Variants in HTT observed in about 807,000 individuals in gnomAD.
HTT encodes huntington disease protein.
In HTT, 104 loss-of-function variants were observed where a neutral mutation model predicts 362.3. That is an observed-to-expected ratio of 0.29 (90% CI 0.24 to 0.34). The LOEUF is 0.34. Ranked by LOEUF, HTT falls within the 10% of genes least tolerant of loss-of-function variation. The probability of loss-of-function intolerance (pLI) is 1.00; values close to 1 mark genes in which losing one functional copy is unlikely to be tolerated. For synonymous variants in HTT, 1,577 were observed against 1,548.7 expected, an observed-to-expected ratio of 1.02 and a Z score of -0.43; for missense variants, 3,301 against 3,928.6, an observed-to-expected ratio of 0.84 and a Z score of 4.27.
chr4:3,122,171 T>C (rs1178780186), intron 9 of HTT, among the ~76,000 whole-genome samples: 1 of 152,196 alleles, frequency 6.6e-6, no homozygotes, highest in Non-Finnish European at 1.5e-5. Flanking sequence ...CTCCATGCTC[T>C]TGGGGCTGGG....
chr4:3,223,404 A>G lies in HTT; in HGVS notation c.7471-2A>G, dbSNP rs777544443. 1.3e-6 allele frequency: 2 copies of G among 1,574,096 alleles called. No homozygotes were observed. Among genetic ancestry groups the G allele is most frequent in the Non-Finnish European group, 8.6e-7 (1 of 1,158,048 alleles). On this transcript the variant is annotated splice_acceptor_variant, in intron 54 of 66. Coordinates refer to ENST00000355072, the MANE Select transcript of HTT (RefSeq NM_001388492.1). LOFTEE classifies it high-confidence loss of function. Reference sequence around the variant, plus strand: ...TTGTTGACATGTGGGCTCTCCTTCCAGGAAGACACAGAGAGGACCCAGATC... The same window carrying G: ...TTGTTGACATGTGGGCTCTCCTTCCGGGAAGACACAGAGAGGACCCAGATC...
chr4:3,118,065 T>C (rs182461915), intron 8 of HTT, among the ~76,000 whole-genome samples: 1 of 152,246 alleles, frequency 6.6e-6, no homozygotes, highest in Admixed American at 6.5e-5. Flanking sequence ...AGAAACCAGA[T>C]TGTTTGTCTT....
chr4:3,113,646 A>G (rs1479832393), intron 6 of HTT, among the ~76,000 whole-genome samples: 1 of 152,100 alleles, frequency 6.6e-6, no homozygotes, highest in Admixed American at 6.6e-5. Context: ...GTTTTTTAAG[A>G]TGTTAGTATC....
intron 49 of HTT, 114 bp downstream of exon 49, chr4:3,212,823 T>G (rs1264970520): frequency 2.7e-6 from 3 of 1,110,092 alleles, no homozygotes; most frequent in African/African-American, 3.1e-5. Context: ...GTCCAGTCAC[T>G]TTTCCATCTC....
rs372516399 is a variant in HTT at position 3,121,478 on chromosome 4, T to A, written c.1273+46T>A. ...ACTCTTACAATTAACTTTGCAGTAA[T>A]ACTAGTTACACTCTATTGATTATGG... On this transcript the variant is annotated intron_variant, in intron 9 of 66. Coordinates refer to ENST00000355072, the MANE Select transcript of HTT (RefSeq NM_001388492.1). 3.2e-4 allele frequency: 415 copies of A among 1,313,136 alleles called. 1 individual carries two copies. Among genetic ancestry groups the A allele is most frequent in the South Asian group, 1.9e-3 (158 of 82,650 alleles). 81.3% of individuals were successfully genotyped at this position (1,313,136 alleles called of 1,614,324 possible). A position where few individuals can be genotyped will look rare whatever the true frequency, so the allele number is the denominator to read the frequency against.
chr4:3,122,751 C>T lies in HTT; in HGVS notation c.1274-138C>T, dbSNP rs562815014. Reference sequence around the variant, plus strand: ...ATATTGAAATTAAAATGTTGAACTGCGATGTTAAGTGTTTCCTGTGGAAAA... The same window carrying T: ...ATATTGAAATTAAAATGTTGAACTGTGATGTTAAGTGTTTCCTGTGGAAAA... On this transcript the variant is annotated intron_variant, in intron 9 of 66. Coordinates refer to ENST00000355072, the MANE Select transcript of HTT (RefSeq NM_001388492.1). 254 of 596,646 alleles carry T rather than the reference C, an allele frequency of 4.3e-4. 2 individuals are homozygous for T. The South Asian group carries it at 5.7e-3, about 13-fold the overall frequency. The allele number at this position is 596,646 out of a possible 1,614,324, so 37.0% of individuals were successfully genotyped here. A position where few individuals can be genotyped will look rare whatever the true frequency, so the allele number is the denominator to read the frequency against.
intron 27 of HTT, among the ~76,000 whole-genome samples, chr4:3,155,620 A>G (rs181931084): frequency 0.014 from 2,083 of 148,700 alleles, 16 homozygotes; most frequent in Middle Eastern, 0.025. Flanking sequence ...GGTGGCTCAC[A>G]CCTGTAATCC....
At position 3,157,103 on chromosome 4, in the gene HTT, TACA is replaced by T. The variant is rs1170999650; in HGVS notation, c.3662_3664del (p.Thr1221del). On this transcript the variant is annotated inframe_deletion, in exon 28 of 67. Coordinates refer to ENST00000355072, the MANE Select transcript of HTT (RefSeq NM_001388492.1). Reference sequence around the variant, plus strand: ...GACAATCTGATACCTCAGGTCCTGTTACAACAAGTAAATCCTCATCACTGGGGA... The same window carrying T: ...GACAATCTGATACCTCAGGTCCTGTTACAAGTAAATCCTCATCACTGGGGA... 2 of 1,612,736 alleles carry T rather than the reference TACA, an allele frequency of 1.2e-6. No individual in the cohort carries two copies. Among genetic ancestry groups the T allele is most frequent in the South Asian group, 1.1e-5 (1 of 90,938 alleles).
chr4:3,103,446 G>C (rs1194287198), intron 3 of HTT, among the ~76,000 whole-genome samples: 1 of 151,762 alleles, frequency 6.6e-6, no homozygotes, highest in Non-Finnish European at 1.5e-5. Context: ...GGCTGGTCTT[G>C]AACTCCTGAC....
rs757108550 is a variant in HTT at position 3,079,466 on chromosome 4, A to G, written c.263+4378A>G. On this transcript the variant is annotated intron_variant, in intron 1 of 66. Transcript: ENST00000355072. ...AAGACCTCAAGCGAGTTAAGAGTCT[A>G]GTGTAAGGGTGTATGAAGTAGTGGT... 3.3e-5 allele frequency among the ~76,000 whole-genome samples: 5 copies of G among 152,104 alleles called. No individual in the cohort carries two copies. The East Asian group carries it at 9.6e-4, about 29-fold the overall frequency.
rs762027904 is a variant in HTT, at chr4:3,115,395, A to G, written c.839A>G (p.His280Arg). 19 of 1,613,772 alleles carry G rather than the reference A, an allele frequency of 1.2e-5. No homozygotes were observed. The highest frequency in any genetic ancestry group is 6.7e-5 in the Admixed American group (4 of 60,008). The stretch of plus-strand genomic sequence containing the variant: ...GGATCAGCAGTGAGCATCTGCCAGC[A>G]CTCAAGAAGGACACAATATTTCTAT... Reference protein sequence around the residue: ...AAGSAVSICQHSRRTQYFYSW... With the variant: ...AAGSAVSICQRSRRTQYFYSW... Residue 280 changes from histidine to arginine, a missense_variant, in exon 7 of 67, where the codon CAC (histidine) becomes CGC (arginine). Around this residue, in one of 4 missense-constraint regions of HTT, gnomAD observed 2,316 missense variants for 2,658.5 expected, o/e 0.87. Transcript: ENST00000355072.
chr4:3,117,914 A>G (rs1391433561), intron 8 of HTT, among the ~76,000 whole-genome samples: 2 of 151,962 alleles, frequency 1.3e-5, no homozygotes, highest in Non-Finnish European at 2.9e-5. Context: ...TACATCAAAT[A>G]CCCACCAACT....
chr4:3,174,379 T>A (rs555722184), intron 31 of HTT, among the ~76,000 whole-genome samples: 3 of 152,248 alleles, frequency 2.0e-5, no homozygotes, highest in Non-Finnish European at 2.9e-5. Context: ...TAATTTCTTC[T>A]AAATTACTGA....
chr4:3,155,936 G>A (rs1435782808), intron 27 of HTT, among the ~76,000 whole-genome samples: 1 of 151,844 alleles, frequency 6.6e-6, no homozygotes, highest in African/African-American at 2.4e-5. Flanking sequence ...ATGCATTGTG[G>A]AATGGCTAAT....
At chr4:3,199,636 C>T (rs1578581922) in intron 40 of HTT, 96 bp from the exon 41 acceptor site, 2 of 1,091,840 alleles carry the variant, frequency 1.8e-6, no homozygotes, top group Non-Finnish European at 1.4e-6. Flanking sequence ...TGGGAGACGA[C>T]TCAGCCTGTT....
chr4:3,235,245 TG>T (rs1453163907), intron 61 of HTT, 38 bp from the exon 62 acceptor site: 4 of 1,357,612 alleles, frequency 2.9e-6, no homozygotes, highest in Non-Finnish European at 4.2e-6. Flanking sequence ...CCACGTTGGA[TG>T]GGGGTGGCTG....
chr4:3,188,851 T>C, intron 39 of HTT, 100 bp from the exon 40 acceptor site: 1 of 1,198,258 alleles, frequency 8.3e-7, no homozygotes, highest in Non-Finnish European at 1.2e-6. Flanking sequence ...TCTACCTATA[T>C]TTTTACTTTA....
intron 28 of HTT, 111 bp downstream of exon 28, chr4:3,157,310 G>T: frequency 3.0e-6 from 3 of 1,006,274 alleles, no homozygotes; most frequent in South Asian, 1.5e-5. Context: ...TGAGATATGA[G>T]TTACATTTAG....
chr4:3,176,267 T>C (rs979660108), intron 33 of HTT, among the ~76,000 whole-genome samples: 2 of 152,174 alleles, frequency 1.3e-5, no homozygotes, highest in Non-Finnish European at 2.9e-5. Flanking sequence ...GACCTCGTGA[T>C]CTGCCCGCCT....
Sources: allele counts gnomAD v4.1 joint callset (sites outside exome capture counted in the v4.1 genomes callset), GRCh38; gene constraint gnomAD v4.1.1; regional missense constraint gnomAD v4.1.1; transcripts MANE v1.5; gene names NCBI Gene and HGNC (gene_info 2026-07-23, HGNC 2026-07-21).